PACSIN2: variants seen among roughly 807,000 people sequenced by gnomAD.
PACSIN2 encodes the protein protein kinase C and casein kinase substrate in neurons 2.
In PACSIN2, 25 loss-of-function variants were observed where a neutral mutation model predicts 63.8. That is an observed-to-expected ratio of 0.39 (90% CI 0.29 to 0.55). The LOEUF is 0.55. PACSIN2 is among the 20% of genes least tolerant of loss of function. The pLI, the probability that PACSIN2 is intolerant of heterozygous loss-of-function variation, is 0.62. For synonymous variants in PACSIN2, 255 were observed against 256.2 expected (o/e 1.00, Z 0.05); for missense variants, 518 against 646.9 (o/e 0.80, Z 2.16).
At chr22:42,963,398 C>T (rs1363250371) in intron 1 of PACSIN2, among the ~76,000 whole-genome samples, 1 of 152,216 alleles carries the variant, frequency 6.6e-6, no homozygotes, top group Non-Finnish European at 1.5e-5. Flanking sequence ...CCTGCAGAGG[C>T]GGCAAACAAC....
At chr22:42,981,446 T>C (rs1922116081) in intron 1 of PACSIN2, among the ~76,000 whole-genome samples, 2 of 82,204 alleles carry the variant, frequency 2.4e-5, no homozygotes, top group Admixed American at 1.3e-4. Context: ...GAGGAGCCCC[T>C]CTGCCCGGCC....
intron 6 of PACSIN2, 65 bp from the exon 7 acceptor site, chr22:42,882,369 G>T (rs1199372365): frequency 2.7e-5 from 42 of 1,542,180 alleles, no homozygotes. Context: ...TCCCAGCCCA[G>T]TGCCAGCCAC....
intron 1 of PACSIN2, among the ~76,000 whole-genome samples, chr22:42,959,330 AG>A (rs1394426204): frequency 1.3e-5 from 2 of 152,206 alleles, no homozygotes; most frequent in Non-Finnish European, 2.9e-5. Context: ...GCCTTAAAGT[AG>A]GGGGAAAAGC....
At chr22:42,881,370 T>C (rs1245257402) in intron 7 of PACSIN2, among the ~76,000 whole-genome samples, 1 of 152,144 alleles carries the variant, frequency 6.6e-6, no homozygotes. Flanking sequence ...AAAGGGCGAA[T>C]AGTTTGCTCA....
chr22:42,984,520 C>T (rs958727450), intron 1 of PACSIN2, among the ~76,000 whole-genome samples: 1 of 152,038 alleles, frequency 6.6e-6, no homozygotes, highest in Non-Finnish European at 1.5e-5. Context: ...AGGTGAAAAC[C>T]CACATGGCCA....
Position 42,893,506 on chromosome 22 carries a change from C to T in PACSIN2, c.168G>A (p.Ala56=), listed in dbSNP as rs756244274. ...HERARIEKAY[A]QQLTEWARRW... Reference sequence around the variant, plus strand: ...GCCGGGCCCACTCAGTGAGCTGCTGCGCATACGCCTTCTCGATGCGCGCCC... The same window carrying T: ...GCCGGGCCCACTCAGTGAGCTGCTGTGCATACGCCTTCTCGATGCGCGCCC... The change falls in exon 3 of 11, where the codon GCG becomes GCA. Residue 56 remains alanine (A), a synonymous_variant. Transcript: ENST00000263246. 1.9e-5 allele frequency: 30 copies of T among 1,614,084 alleles called. No individual in the cohort carries two copies. The highest frequency in any genetic ancestry group is 3.3e-5 in the Admixed American group (2 of 60,030).
chr22:42,987,375 A>G (rs949509659), intron 1 of PACSIN2, among the ~76,000 whole-genome samples: 2 of 150,362 alleles, frequency 1.3e-5, no homozygotes, highest in Admixed American at 1.3e-4. Context: ...CCCTACACGC[A>G]GGTGGCTCTG....
At chr22:42,893,430 C>T (rs1930054318) in intron 3 of PACSIN2, 27 bp downstream of exon 3, 3 of 1,606,968 alleles carry the variant, frequency 1.9e-6, no homozygotes, top group Non-Finnish European at 2.5e-6. Context: ...GCCTCCAGGC[C>T]ACAGGACCTG....
chr22:42,960,436 T>A (rs2068944), intron 1 of PACSIN2, among the ~76,000 whole-genome samples: 9 of 152,040 alleles, frequency 5.9e-5, no homozygotes, highest in Non-Finnish European at 8.8e-5. Flanking sequence ...GACAGGCAGG[T>A]GACCCCATGG....
At chr22:42,978,916 T>G (rs1921883459) in intron 1 of PACSIN2, among the ~76,000 whole-genome samples, 1 of 152,166 alleles carries the variant, frequency 6.6e-6, no homozygotes, top group Non-Finnish European at 1.5e-5. Flanking sequence ...CTTTTCAGGT[T>G]TCCTATGAGT....
chr22:42,888,925 G>A (rs1929695282), intron 4 of PACSIN2, 127 bp from the exon 5 acceptor site: 1 of 862,538 alleles, frequency 1.2e-6, no homozygotes, highest in African/African-American at 1.7e-5. Context: ...AAAATTGTAT[G>A]TATACTATCA....
At chr22:42,936,821 G>GA (rs1479300578) in intron 1 of PACSIN2, among the ~76,000 whole-genome samples, 1 of 144,972 alleles carries the variant, frequency 6.9e-6, no homozygotes, top group Non-Finnish European at 1.5e-5. Flanking sequence ...TGAGGCAAGA[G>GA]AATCACCTGA....
intron 1 of PACSIN2, among the ~76,000 whole-genome samples, chr22:42,948,732 G>A (rs544761619): frequency 3.3e-5 from 5 of 152,282 alleles, no homozygotes; most frequent in East Asian, 3.9e-4. Context: ...CTATGGTGCC[G>A]CTTTCTCAAG....
At chr22:43,008,158 ATTCT>A (rs1419652808) in intron 1 of PACSIN2, among the ~76,000 whole-genome samples, 1 of 152,248 alleles carries the variant, frequency 6.6e-6, no homozygotes, top group East Asian at 1.9e-4. Flanking sequence ...CATCAGAAGT[ATTCT>A]TTTAAAAAAT....
chr22:42,969,543 A>G (rs1342914709), intron 1 of PACSIN2, among the ~76,000 whole-genome samples: 2 of 152,206 alleles, frequency 1.3e-5, no homozygotes, highest in African/African-American at 2.4e-5. Flanking sequence ...AACTCTGGCA[A>G]CGATGACCAT....
intron 4 of PACSIN2, among the ~76,000 whole-genome samples, chr22:42,889,665 T>TG (rs2146666944): frequency 6.6e-6 from 1 of 151,608 alleles, no homozygotes; most frequent in East Asian, 1.9e-4. Flanking sequence ...ATCTGGGTGT[T>TG]GGGGGTGGCA....
chr22:42,882,404 C>G, intron 6 of PACSIN2, 100 bp from the exon 7 acceptor site: 2 of 1,372,210 alleles, frequency 1.5e-6, no homozygotes, highest in Non-Finnish European at 2.0e-6. Flanking sequence ...TCTCTGCCCT[C>G]TGTGAGTTGG....
intron 2 of PACSIN2, among the ~76,000 whole-genome samples, chr22:42,899,339 C>T (rs1569241410): frequency 1.3e-5 from 2 of 152,038 alleles, no homozygotes; most frequent in South Asian, 4.1e-4. Flanking sequence ...CAAGCTGAAG[C>T]GCAGTGGTGC....
At chr22:42,920,905 T>C (rs577111739) in intron 1 of PACSIN2, among the ~76,000 whole-genome samples, 78 of 148,882 alleles carry the variant, frequency 5.2e-4, no homozygotes, top group Non-Finnish European at 8.6e-4. Context: ...TCAGCTCAAG[T>C]GATCCTCCCA....
Sources: gnomAD v4.1 joint callset for allele counts (sites outside exome capture counted in the v4.1 genomes callset) on GRCh38, gnomAD v4.1.1 for gene constraint, MANE v1.5 for transcripts, NCBI Gene and HGNC (gene_info 2026-07-23, HGNC 2026-07-21) for gene names.